CDK17: variants seen among roughly 807,000 people sequenced by gnomAD.
CDK17 encodes cyclin-dependent kinase 17.
A neutral mutation model predicts 77.6 loss-of-function variants in CDK17; 24 were observed. The observed-to-expected ratio is 0.31, with a 90% confidence interval of 0.22 to 0.44. CDK17 has a LOEUF of 0.44. Ranked by LOEUF, CDK17 falls within the 20% of genes least tolerant of loss-of-function variation. The pLI is 1.00. For missense variants in CDK17, 429 were observed against 622.5 expected, an observed-to-expected ratio of 0.69 and a Z score of 3.31; for synonymous variants, 203 against 210.4, an observed-to-expected ratio of 0.96 and a Z score of 0.30.
At chr12:96,396,769 AAAACAAAC>A (rs548013474) in intron 1 of CDK17, among the ~76,000 whole-genome samples, 2 of 152,192 alleles carry the variant, frequency 1.3e-5, no homozygotes, top group African/African-American at 4.8e-5. Flanking sequence ...TAAAACAAAC[AAAACAAAC>A]AAACAAACAA....
At chr12:96,337,020 G>GA (rs1173489847) in intron 1 of CDK17, among the ~76,000 whole-genome samples, 1 of 152,026 alleles carries the variant, frequency 6.6e-6, no homozygotes, top group Non-Finnish European at 1.5e-5. Context: ...TATGTATACG[G>GA]AAAAAACGTA....
At chr12:96,390,829 G>A (rs1330636076) in intron 1 of CDK17, among the ~76,000 whole-genome samples, 1 of 151,612 alleles carries the variant, frequency 6.6e-6, no homozygotes, top group Non-Finnish European at 1.5e-5. Context: ...AAGGCTGGGT[G>A]TGGCGGCTCA....
At chr12:96,359,718 G>A (rs1328134051) in intron 1 of CDK17, among the ~76,000 whole-genome samples, 1 of 151,974 alleles carries the variant, frequency 6.6e-6, no homozygotes, top group East Asian at 1.9e-4. Flanking sequence ...TAAAATTCAA[G>A]AGTAAACAAA....
chr12:96,322,120 C>T (rs552981572), intron 3 of CDK17, among the ~76,000 whole-genome samples: 1 of 152,290 alleles, frequency 6.6e-6, no homozygotes, highest in Non-Finnish European at 1.5e-5. Context: ...GTAGTTCTGA[C>T]ATGACTACCA....
intron 1 of CDK17, among the ~76,000 whole-genome samples, chr12:96,343,106 A>G (rs1008447457): frequency 3.3e-5 from 5 of 152,248 alleles, no homozygotes; most frequent in Non-Finnish European, 7.3e-5. Context: ...AAGAAAGACA[A>G]TATTAGTTTA....
chr12:96,390,321 G>T (rs374479631), intron 1 of CDK17, among the ~76,000 whole-genome samples: 2 of 149,990 alleles, frequency 1.3e-5, no homozygotes, highest in African/African-American at 2.4e-5. Flanking sequence ...TAGTAGAGAC[G>T]GGTTTCATCA....
At chr12:96,327,591 A>C (rs1952908082) in intron 2 of CDK17, among the ~76,000 whole-genome samples, 1 of 152,014 alleles carries the variant, frequency 6.6e-6, no homozygotes, top group Non-Finnish European at 1.5e-5. Flanking sequence ...TCTGTTGCAC[A>C]GGCTGAAGTG....
intron 1 of CDK17, among the ~76,000 whole-genome samples, chr12:96,352,438 G>C (rs1592747983): frequency 6.6e-6 from 1 of 152,058 alleles, no homozygotes; most frequent in East Asian, 1.9e-4. Context: ...CAACAGCTGT[G>C]CTGTGAAACA....
intron 1 of CDK17, among the ~76,000 whole-genome samples, chr12:96,395,766 C>G (rs1482139228): frequency 6.6e-6 from 1 of 152,072 alleles, no homozygotes; most frequent in Non-Finnish European, 1.5e-5. Context: ...GATTTGTGCC[C>G]TTTTAAGTAG....
At chr12:96,369,761 ACT>A (rs1413405681) in intron 1 of CDK17, among the ~76,000 whole-genome samples, 2 of 152,048 alleles carry the variant, frequency 1.3e-5, no homozygotes, top group East Asian at 3.9e-4. Context: ...CCTGGGCGAG[ACT>A]CTGTCTCAAA....
At chr12:96,326,103 T>TA (rs1456890607) in intron 2 of CDK17, among the ~76,000 whole-genome samples, 2 of 152,220 alleles carry the variant, frequency 1.3e-5, no homozygotes, top group South Asian at 2.1e-4. Flanking sequence ...ATTCAAATAT[T>TA]AAAAACAAAT....
At chr12:96,386,962 C>T in intron 1 of CDK17, 1 of 264,434 alleles carries the variant, frequency 3.8e-6, no homozygotes, top group Non-Finnish European at 8.1e-6. Context: ...TCAACATCCA[C>T]AAGTAGTGTA....
At chr12:96,368,814 G>C (rs1037705685) in intron 1 of CDK17, among the ~76,000 whole-genome samples, 1 of 73,712 alleles carries the variant, frequency 1.4e-5, no homozygotes, top group Non-Finnish European at 2.4e-5. Flanking sequence ...GACGGGGGGG[G>C]GGGGGGGGGG....
intron 3 of CDK17, among the ~76,000 whole-genome samples, chr12:96,322,728 A>T (rs555193204): frequency 1.3e-5 from 2 of 152,338 alleles, no homozygotes; most frequent in South Asian, 4.1e-4. Context: ...TAAAAGTGGT[A>T]AAAAATTAGG....
chr12:96,316,747 C>A (rs1212199788), intron 3 of CDK17, among the ~76,000 whole-genome samples: 1 of 126,454 alleles, frequency 7.9e-6, no homozygotes, highest in Admixed American at 8.7e-5. Flanking sequence ...GCTGAGGGTC[C>A]TGTCTGTTAG....
chr12:96,364,965 AT>A (rs1953559007), intron 1 of CDK17, among the ~76,000 whole-genome samples: 1 of 152,190 alleles, frequency 6.6e-6, no homozygotes, highest in South Asian at 2.1e-4. Flanking sequence ...TTACCAGGAA[AT>A]TTTCAGACAC....
chr12:96,302,317 T>C (rs553411784), intron 5 of CDK17, among the ~76,000 whole-genome samples: 2 of 151,242 alleles, frequency 1.3e-5, no homozygotes, highest in African/African-American at 2.4e-5. Flanking sequence ...TTTTAATTTA[T>C]ATATGTTTTA....
chr12:96,291,830 G>A (rs894772825), intron 10 of CDK17, among the ~76,000 whole-genome samples: 1 of 151,934 alleles, frequency 6.6e-6, no homozygotes, highest in Non-Finnish European at 1.5e-5. Flanking sequence ...TGTTGGTCAG[G>A]CTGGTTTTGA....
At chr12:96,374,479 T>G (rs1042659360) in intron 1 of CDK17, among the ~76,000 whole-genome samples, 1 of 152,230 alleles carries the variant, frequency 6.6e-6, no homozygotes, top group Non-Finnish European at 1.5e-5. Flanking sequence ...AGAAATTATT[T>G]GTAGCTTCTA....
Sources: allele counts gnomAD v4.1 joint callset (sites outside exome capture counted in the v4.1 genomes callset), GRCh38; gene constraint gnomAD v4.1.1; transcripts MANE v1.5; gene names NCBI Gene and HGNC (gene_info 2026-07-23, HGNC 2026-07-21).